The following PARN variants were observed in gnomAD, a reference collection of about 807,000 sequenced individuals.
The protein encoded by PARN is poly(A)-specific ribonuclease, also known as poly(A)-specific ribonuclease PARN.
In PARN, 71 loss-of-function variants were observed where a neutral mutation model predicts 102.8. The observed-to-expected ratio is 0.69, with a 90% CI of 0.57 to 0.84. The LOEUF (loss-of-function observed/expected upper bound fraction) is 0.84, where lower values mean the gene tolerates loss of function less well. Among genes scored for constraint, PARN ranks in the 40% least tolerant of loss-of-function variants. PARN has a pLI of 0.00. For missense variants in PARN, 782 were observed against 760.9 expected, an observed-to-expected ratio of 1.03 and a Z score of -0.33; for synonymous variants, 261 against 252.9, an observed-to-expected ratio of 1.03 and a Z score of -0.30.
intron 23 of PARN, among the ~76,000 whole-genome samples, chr16:14,444,509 T>C (rs1961103011): frequency 6.6e-6 from 1 of 152,188 alleles, no homozygotes; most frequent in South Asian, 2.1e-4. Flanking sequence ...AACTAATCTA[T>C]TAATGCAGTC....
chr16:14,488,842 C>T (rs1377684129), intron 21 of PARN, among the ~76,000 whole-genome samples: 5 of 150,332 alleles, frequency 3.3e-5, no homozygotes, highest in African/African-American at 4.9e-5. Context: ...ATTTCACTCA[C>T]GAATAATAAG....
chr16:14,560,310 T>G (rs1188875602), intron 18 of PARN, among the ~76,000 whole-genome samples: 1 of 152,222 alleles, frequency 6.6e-6, no homozygotes, highest in Non-Finnish European at 1.5e-5. Flanking sequence ...GACTAACACT[T>G]GCACGAAACG....
At chr16:14,476,595 G>A (rs927894752) in intron 22 of PARN, among the ~76,000 whole-genome samples, 7 of 152,144 alleles carry the variant, frequency 4.6e-5, no homozygotes, top group Non-Finnish European at 7.4e-5. Flanking sequence ...TTTGAGAGGC[G>A]GAGGTGGGAG....
intron 21 of PARN, among the ~76,000 whole-genome samples, chr16:14,505,676 A>G (rs552893002): frequency 6.6e-6 from 1 of 152,348 alleles, no homozygotes; most frequent in East Asian, 1.9e-4. Flanking sequence ...CCAATGGTTC[A>G]TTAAATGTAA....
chr16:14,543,567 G>A (rs1002784694), intron 21 of PARN, among the ~76,000 whole-genome samples: 1 of 152,128 alleles, frequency 6.6e-6, no homozygotes. Context: ...GAACCTATAT[G>A]ATTGTAAGGT....
chr16:14,593,433 T>G lies in PARN; in HGVS notation c.841-55A>C, dbSNP rs1941850961. The stretch of plus-strand genomic sequence containing the variant: ...TTCTACATTCGAAATTATACTGGGG[T>G]TTCAGAATGTATAGTTCAGATTCCA... On this transcript the variant is annotated intron_variant, in intron 12 of 23. Coordinates refer to ENST00000437198, the MANE Select transcript of PARN (RefSeq NM_002582.4). 3 of 792,490 alleles carry G rather than the reference T, an allele frequency of 3.8e-6. No individual in the cohort carries two copies. The South Asian group carries it at 4.2e-5, about 11-fold the overall frequency. 49.1% of individuals were successfully genotyped at this position (792,490 alleles called of 1,614,324 possible).
intron 21 of PARN, among the ~76,000 whole-genome samples, chr16:14,520,788 G>C (rs1965696469): frequency 6.6e-6 from 1 of 152,160 alleles, no homozygotes; most frequent in Non-Finnish European, 1.5e-5. Context: ...AAAATAAAAA[G>C]TGAGAGAGCA....
intron 23 of PARN, among the ~76,000 whole-genome samples, chr16:14,437,003 C>A (rs1797464287): frequency 2.0e-5 from 3 of 152,214 alleles, no homozygotes; most frequent in Non-Finnish European, 2.9e-5. Flanking sequence ...GGAGGAAGCA[C>A]CTCCCTGCCT....
intron 17 of PARN, 29 bp from the exon 18 acceptor site, chr16:14,580,972 T>C (rs753689537): frequency 7.0e-7 from 1 of 1,429,786 alleles, no homozygotes; most frequent in Non-Finnish European, 9.9e-7. Context: ...GAGGTATTAT[T>C]ATTCATAGTC....
chr16:14,451,869 C>CAAAAAAAA (rs869041563), intron 22 of PARN, among the ~76,000 whole-genome samples: 19 of 52,494 alleles, frequency 3.6e-4, no homozygotes, highest in East Asian at 9.8e-4. Context: ...AAAAAAAATA[C>CAAAAAAAA]AAAAAAAAAA....
At chr16:14,480,418 C>T (rs765847436) in intron 22 of PARN, among the ~76,000 whole-genome samples, 3 of 152,158 alleles carry the variant, frequency 2.0e-5, no homozygotes, top group Non-Finnish European at 4.4e-5. Context: ...AAAAAATACA[C>T]GTGCAGCAAA....
At chr16:14,612,440 A>T (rs1971572944) in intron 6 of PARN, among the ~76,000 whole-genome samples, 1 of 152,106 alleles carries the variant, frequency 6.6e-6, no homozygotes, top group African/African-American at 2.4e-5. Context: ...TCTCAAAAAA[A>T]AATAAAAATA....
intron 21 of PARN, among the ~76,000 whole-genome samples, chr16:14,546,493 C>T (rs2151696907): frequency 6.6e-6 from 1 of 152,240 alleles, no homozygotes; most frequent in East Asian, 1.9e-4. Context: ...GAGTTCCTGC[C>T]TCTTCTAAAG....
intron 5 of PARN, among the ~76,000 whole-genome samples, chr16:14,619,451 T>A (rs1483499216): frequency 6.6e-6 from 1 of 151,564 alleles, no homozygotes; most frequent in Non-Finnish European, 1.5e-5. Context: ...AAAATAATAA[T>A]AATAAAATTA....
At chr16:14,573,176 C>T (rs140815330) in intron 18 of PARN, among the ~76,000 whole-genome samples, 1 of 152,154 alleles carries the variant, frequency 6.6e-6, no homozygotes, top group Non-Finnish European at 1.5e-5. Flanking sequence ...CCACCATGCC[C>T]AACCTTATTT....
chr16:14,453,782 G>C (rs181835735), intron 22 of PARN, among the ~76,000 whole-genome samples: 2 of 152,288 alleles, frequency 1.3e-5, no homozygotes, highest in Admixed American at 1.3e-4. Flanking sequence ...TTATTTCATA[G>C]TATGGCTGGA....
chr16:14,451,628 T>A (rs539900012), intron 22 of PARN, among the ~76,000 whole-genome samples: 2 of 150,768 alleles, frequency 1.3e-5, no homozygotes, highest in Non-Finnish European at 3.0e-5. Flanking sequence ...TATGGGAGGG[T>A]AGGTAGGGAT....
chr16:14,448,812 T>C (rs1428639840), intron 22 of PARN, among the ~76,000 whole-genome samples: 1 of 152,232 alleles, frequency 6.6e-6, no homozygotes, highest in African/African-American at 2.4e-5. Flanking sequence ...ACTGGCTGGC[T>C]AGCCTTTCAT....
At chr16:14,460,170 A>C (rs530573403) in intron 22 of PARN, among the ~76,000 whole-genome samples, 3 of 152,312 alleles carry the variant, frequency 2.0e-5, no homozygotes, top group African/African-American at 7.2e-5. Flanking sequence ...TTTTCACCTC[A>C]ACATCCTACA....
Sources: gnomAD v4.1 joint callset for allele counts (sites outside exome capture counted in the v4.1 genomes callset) on GRCh38, gnomAD v4.1.1 for gene constraint, MANE v1.5 for transcripts, NCBI Gene and HGNC (gene_info 2026-07-23, HGNC 2026-07-21) for gene names.